The following ACTA2 variants were observed in gnomAD, a reference collection of about 807,000 sequenced individuals.
The protein encoded by ACTA2 is actin, aortic smooth muscle.
Under a neutral mutation model 39.5 loss-of-function variants are expected in ACTA2, and 12 were observed. The ratio of observed to expected loss-of-function variants is 0.30; its 90% CI spans 0.19 to 0.49. The LOEUF (loss-of-function observed/expected upper bound fraction) is 0.49, where lower values mean the gene tolerates loss of function less well. Among genes scored for constraint, ACTA2 ranks in the 20% least tolerant of loss-of-function variants. The pLI, the probability that ACTA2 is intolerant of heterozygous loss-of-function variation, is 0.99. For synonymous variants in ACTA2, 158 were observed against 180.6 expected (o/e 0.88, Z 1.00); for missense variants, 236 against 498.8 (o/e 0.47, Z 5.02).
chr10:88,944,770 A>G (rs1845916127), intron 3 of ACTA2, among the ~76,000 whole-genome samples: 1 of 152,240 alleles, frequency 6.6e-6, no homozygotes, highest in South Asian at 2.1e-4. Flanking sequence ...ATGGTTGAGC[A>G]CTTTCTTTAA....
At chr10:88,963,973 A>G (rs1044040598) in intron 1 of ACTA2, among the ~76,000 whole-genome samples, 1 of 151,896 alleles carries the variant, frequency 6.6e-6, no homozygotes, top group African/African-American at 2.4e-5. Flanking sequence ...TTGTATTCCT[A>G]GTTTTCCTAA....
intron 1 of ACTA2, chr10:88,973,403 T>A (rs1216119749): frequency 3.0e-6 from 4 of 1,335,096 alleles, no homozygotes; most frequent in South Asian, 1.9e-5. Context: ...GAGTTCCCGA[T>A]GAAAACAACT....
chr10:88,955,362 A>G (rs1846121304), upstream of ACTA2, among the ~76,000 whole-genome samples: 1 of 152,238 alleles, frequency 6.6e-6, no homozygotes, highest in Non-Finnish European at 1.5e-5. Flanking sequence ...TAGACTGATC[A>G]TATGCATTGG....
In ACTA2 at chr10:88,987,080, T is replaced by G. The variant is rs898667026; in HGVS notation, c.-24+3859A>C. On this transcript the variant is annotated intron_variant, in intron 1 of 4. Transcript: ENST00000415557. ...TTCCTTTCCCAAGAACCCATACATA[T>G]TTCTATTAATTGGTAGAAATAATTA... is the stretch of plus-strand genomic sequence containing the variant. Among the ~76,000 whole-genome samples, 4 of 152,212 alleles carry G rather than the reference T, an allele frequency of 2.6e-5. No homozygotes were observed. The East Asian group carries it at 7.7e-4, about 29-fold the overall frequency.
At chr10:88,937,845 G>A (rs1026507631) in intron 8 of ACTA2, among the ~76,000 whole-genome samples, 1 of 152,138 alleles carries the variant, frequency 6.6e-6, no homozygotes, top group Admixed American at 6.5e-5. Context: ...TGACAGACAA[G>A]GATAAATAGA....
At chr10:88,979,854 C>T (rs1471408764) in intron 1 of ACTA2, among the ~76,000 whole-genome samples, 1 of 152,230 alleles carries the variant, frequency 6.6e-6, no homozygotes, top group Non-Finnish European at 1.5e-5. Context: ...GTCCTCACCA[C>T]ACACCTCCTC....
chr10:88,939,377 T>G (rs1845805728), intron 7 of ACTA2, 130 bp downstream of exon 7: 2 of 1,234,444 alleles, frequency 1.6e-6, no homozygotes, highest in African/African-American at 3.0e-5. Flanking sequence ...TGTGGCACTT[T>G]CCCTTTTTCT....
intron 1 of ACTA2, among the ~76,000 whole-genome samples, chr10:88,972,404 A>T (rs565710690): frequency 1.3e-4 from 20 of 152,334 alleles, no homozygotes; most frequent in African/African-American, 4.8e-4. Flanking sequence ...TAGGAAAAAA[A>T]TTGATCTCCT....
At chr10:88,979,683 C>A (rs1846661510) in intron 1 of ACTA2, among the ~76,000 whole-genome samples, 1 of 151,944 alleles carries the variant, frequency 6.6e-6, no homozygotes, top group African/African-American at 2.4e-5. Context: ...TGGTTTTGAT[C>A]CTCCTATCAA....
At chr10:88,991,045 G>T (rs1430917346) in exon 1 of ACTA2, 2 of 1,148,618 alleles carry the variant, frequency 1.7e-6, no homozygotes, top group African/African-American at 3.1e-5. Flanking sequence ...GCTGCTGCGG[G>T]AGGCGTTGGA....
rs1451974556 is a variant in ACTA2, at chr10:88,948,906, C to G, written c.25G>C (p.Ala9Pro). The G allele has an allele frequency of 3.1e-6, 5 of 1,613,770 alleles. No homozygotes were observed. The highest frequency in any genetic ancestry group is 8.5e-7 in the Non-Finnish European group (1 of 1,179,864). The change falls in exon 2 of 9, where the codon GCC becomes CCC. Residue 9 changes from alanine to proline, a missense_variant. Coordinates refer to ENST00000224784, the MANE Select transcript of ACTA2 (RefSeq NM_001613.4). MCEEEDSTALVCDNGSGLC... is the reference protein window; with the variant it reads MCEEEDSTPLVCDNGSGLC... Reference sequence around the variant, plus strand: ...CCAGAGCCATTGTCACACACCAAGGCAGTGCTGTCCTCTTCTTCACACATA... The same window carrying G: ...CCAGAGCCATTGTCACACACCAAGGGAGTGCTGTCCTCTTCTTCACACATA...
chr10:88,970,910 G>A (rs1019898887), intron 1 of ACTA2, among the ~76,000 whole-genome samples: 14 of 150,582 alleles, frequency 9.3e-5, no homozygotes, highest in Admixed American at 2.6e-4. Flanking sequence ...TATATATAAA[G>A]AATTCCCCAC....
At chr10:88,946,050 G>C (rs983710460) in intron 3 of ACTA2, among the ~76,000 whole-genome samples, 2 of 152,170 alleles carry the variant, frequency 1.3e-5, no homozygotes, top group Non-Finnish European at 2.9e-5. Flanking sequence ...CTCATCTACA[G>C]AACTATCATC....
chr10:88,958,335 T>C (rs1240409961), intron 1 of ACTA2, among the ~76,000 whole-genome samples: 1 of 152,198 alleles, frequency 6.6e-6, no homozygotes, highest in Non-Finnish European at 1.5e-5. Flanking sequence ...AGTCAACTAA[T>C]AGTTATCAGA....
intron 1 of ACTA2, among the ~76,000 whole-genome samples, chr10:88,981,425 G>C (rs186902729): frequency 6.6e-6 from 1 of 150,990 alleles, no homozygotes; most frequent in Admixed American, 6.6e-5. Flanking sequence ...ATCTTCCATC[G>C]TCGTGATTTA....
intron 1 of ACTA2, among the ~76,000 whole-genome samples, chr10:88,985,068 C>T (rs1025391035): frequency 6.6e-6 from 1 of 151,934 alleles, no homozygotes; most frequent in South Asian, 2.1e-4. Context: ...TTTAGGGGGC[C>T]ATTGGCAAAT....
chr10:88,985,969 G>T (rs892483986), intron 1 of ACTA2, among the ~76,000 whole-genome samples: 4 of 152,084 alleles, frequency 2.6e-5, no homozygotes, highest in African/African-American at 9.7e-5. Context: ...TTATTTTTAT[G>T]GATACCTTCT....
chr10:88,941,461 G>A (rs1845850551), intron 5 of ACTA2, 71 bp from the exon 6 acceptor site: 1 of 1,588,216 alleles, frequency 6.3e-7, no homozygotes, highest in South Asian at 1.1e-5. Context: ...CAAGTAGAGG[G>A]AAGCCTTGGG....
chr10:88,978,685 C>A lies in ACTA2; in HGVS notation c.-24+12254G>T, dbSNP rs138726147. On this transcript the variant is annotated intron_variant, in intron 1 of 4. Coordinates refer to the ACTA2 transcript ENST00000415557. ...GTTCATTTGCACCACGGCTCCAGCT[C>A]ACCCTACTTCAGGGAACTGAAGATG... Among the ~76,000 whole-genome samples the A allele has an allele frequency of 8.9e-4, 135 of 152,266 alleles. 1 individual carries two copies. Among genetic ancestry groups the A allele is most frequent in the African/African-American group, 3.2e-3 (131 of 41,570 alleles).
Sources: allele counts gnomAD v4.1 joint callset (sites outside exome capture counted in the v4.1 genomes callset), GRCh38; gene constraint gnomAD v4.1.1; transcripts MANE v1.5; gene names NCBI Gene and HGNC (gene_info 2026-07-23, HGNC 2026-07-21).